RBFOX1: variants seen among roughly 807,000 people sequenced by gnomAD.
RBFOX1 encodes the protein RNA binding fox-1 homolog 1.
RBFOX1 carries 8 observed loss-of-function variants against 57.7 expected under a neutral mutation model. The ratio of observed to expected loss-of-function variants is 0.14; its 90% CI spans 0.08 to 0.25. The LOEUF is 0.25. Among genes scored for constraint, RBFOX1 ranks in the 10% least tolerant of loss-of-function variants. The pLI, the probability that RBFOX1 is intolerant of heterozygous loss-of-function variation, is 1.00. For missense variants in RBFOX1, 611 were observed against 548.5 expected (o/e 1.11, Z -1.14); for synonymous variants, 326 against 222.4 (o/e 1.47, Z -4.15).
chr16:7,550,011 C>G (rs1413201814), intron 5 of RBFOX1, among the ~76,000 whole-genome samples: 2 of 152,090 alleles, frequency 1.3e-5, no homozygotes, highest in African/African-American at 2.4e-5. Context: ...CTCACTGCAG[C>G]CTTGTCCTCC....
intron 5 of RBFOX1, among the ~76,000 whole-genome samples, chr16:7,533,361 A>G (rs946976627): frequency 1.3e-4 from 20 of 152,204 alleles, no homozygotes; most frequent in African/African-American, 4.6e-4. Flanking sequence ...TCAGAAATAC[A>G]ACATTTTCTT....
intron 2 of RBFOX1, among the ~76,000 whole-genome samples, chr16:6,450,733 A>T (rs1283914754): frequency 8.2e-5 from 10 of 121,376 alleles, no homozygotes; most frequent in East Asian, 4.6e-4. Context: ...GTGGCAGGGG[A>T]ATAAATTTTA....
chr16:7,418,780 A>ATCTCTATCTCTT (rs1465592182), intron 4 of RBFOX1, among the ~76,000 whole-genome samples: 1 of 151,062 alleles, frequency 6.6e-6, no homozygotes, highest in African/African-American at 2.4e-5. Context: ...CTGTGTCTCT[A>ATCTCTATCTCTT]TCTCTGTCTT....
chr16:6,610,158 C>G (rs1026209772), intron 2 of RBFOX1, among the ~76,000 whole-genome samples: 1 of 152,182 alleles, frequency 6.6e-6, no homozygotes, highest in African/African-American at 2.4e-5. Context: ...TTCTCAAAGC[C>G]TGAAGCTCTT....
chr16:5,282,293 C>T (rs2063292317), intron 1 of RBFOX1, among the ~76,000 whole-genome samples: 2 of 152,208 alleles, frequency 1.3e-5, no homozygotes, highest in Non-Finnish European at 2.9e-5. Context: ...TTGTAAATTT[C>T]CCAGTCTTGA....
intron 4 of RBFOX1, among the ~76,000 whole-genome samples, chr16:7,272,428 C>T (rs1178597358): frequency 6.6e-6 from 1 of 152,188 alleles, no homozygotes; most frequent in Non-Finnish European, 1.5e-5. Flanking sequence ...CAGTGATCCA[C>T]CTGCCTCAGT....
chr16:5,446,962 C>T (rs752275072), intron 1 of RBFOX1, among the ~76,000 whole-genome samples: 4 of 152,160 alleles, frequency 2.6e-5, no homozygotes, highest in Non-Finnish European at 5.9e-5. Flanking sequence ...CCCACACAGT[C>T]ATCTTGTGAG....
At chr16:6,368,413 C>G (rs1180196425) in intron 2 of RBFOX1, among the ~76,000 whole-genome samples, 1 of 152,184 alleles carries the variant, frequency 6.6e-6, no homozygotes, top group Admixed American at 6.5e-5. Context: ...ATAAAAAATG[C>G]TGCAGCTTTG....
chr16:7,643,456 G>T (rs565602740), intron 11 of RBFOX1, among the ~76,000 whole-genome samples: 1 of 152,152 alleles, frequency 6.6e-6, no homozygotes, highest in South Asian at 2.1e-4. Context: ...TGTTATGAAG[G>T]TTTCTTATGC....
At chr16:6,426,577 G>C (rs956057136) in intron 2 of RBFOX1, among the ~76,000 whole-genome samples, 1 of 152,110 alleles carries the variant, frequency 6.6e-6, no homozygotes, top group Non-Finnish European at 1.5e-5. Context: ...GCTGCAGTGA[G>C]CCATGATTGT....
intron 1 of RBFOX1, among the ~76,000 whole-genome samples, chr16:6,131,212 C>G (rs757803200): frequency 2.0e-5 from 3 of 152,168 alleles, no homozygotes; most frequent in African/African-American, 7.2e-5. Flanking sequence ...TGTGTTTGAT[C>G]GGAGTGTTAG....
chr16:5,658,190 A>T (rs2049517768), intron 3 of RBFOX1, among the ~76,000 whole-genome samples: 1 of 152,050 alleles, frequency 6.6e-6, no homozygotes. Flanking sequence ...AGGCTCGCAG[A>T]CCTGGGCATG....
At chr16:5,988,253 A>C (rs1346682895) in intron 4 of RBFOX1, among the ~76,000 whole-genome samples, 1 of 152,226 alleles carries the variant, frequency 6.6e-6, no homozygotes, top group African/African-American at 2.4e-5. Flanking sequence ...ATCCATGATA[A>C]AGCATATGCA....
Position 6,336,479 on chromosome 16 carries a change from C to T in RBFOX1, c.-64+19422C>T, listed in dbSNP as rs554730216. Among the ~76,000 whole-genome samples, 4 of 152,082 alleles carry T rather than the reference C, an allele frequency of 2.6e-5. No individual in the cohort carries two copies. In the East Asian group the frequency reaches 5.8e-4, roughly 22 times the overall value. On this transcript the variant is annotated intron_variant, in intron 2 of 15. Transcript: ENST00000550418. ...ACTGGTAAGTAAATGTCAGAGCTAG[C>T]TTTGAACTTCAGCATTCTTCCTACA...
chr16:5,581,095 C>T (rs1177138809), intron 2 of RBFOX1, among the ~76,000 whole-genome samples: 1 of 152,168 alleles, frequency 6.6e-6, no homozygotes, highest in African/African-American at 2.4e-5. Flanking sequence ...ATCCACGTAG[C>T]CACCATTGTA....
chr16:6,110,198 T>C (rs1191239073), intron 1 of RBFOX1, among the ~76,000 whole-genome samples: 3 of 141,252 alleles, frequency 2.1e-5, no homozygotes, highest in African/African-American at 8.2e-5. Flanking sequence ...TCTTCTTCTT[T>C]TTTTTTTTTT....
intron 3 of RBFOX1, among the ~76,000 whole-genome samples, chr16:5,852,516 C>T (rs981608623): frequency 1.3e-5 from 2 of 152,196 alleles, no homozygotes; most frequent in Non-Finnish European, 2.9e-5. Flanking sequence ...GGACTGCAGG[C>T]TGGCTCCGGA....
intron 3 of RBFOX1, among the ~76,000 whole-genome samples, chr16:6,957,254 C>G (rs937473779): frequency 6.6e-6 from 1 of 151,804 alleles, no homozygotes; most frequent in African/African-American, 2.4e-5. Context: ...GCCTCAGCCT[C>G]CCGAGTAGCT....
chr16:5,373,405 T>C (rs899448568), intron 1 of RBFOX1, among the ~76,000 whole-genome samples: 1 of 152,104 alleles, frequency 6.6e-6, no homozygotes, highest in African/African-American at 2.4e-5. Context: ...TTGCTCTTCT[T>C]GTGATAATGA....
Sources: gnomAD v4.1 joint callset for allele counts (sites outside exome capture counted in the v4.1 genomes callset) on GRCh38, gnomAD v4.1.1 for gene constraint, MANE v1.5 for transcripts, NCBI Gene and HGNC (gene_info 2026-07-23, HGNC 2026-07-21) for gene names.